Variants in EXOC6B observed in about 807,000 individuals in gnomAD.
EXOC6B encodes exocyst complex component 6B, also known as SEC15 homolog B.
Under a neutral mutation model 113.5 loss-of-function variants are expected in EXOC6B, and 54 were observed. The observed-to-expected ratio is 0.48, with a 90% CI of 0.38 to 0.60. The LOEUF is 0.60. Among genes scored for constraint, EXOC6B ranks in the 20% least tolerant of loss-of-function variants. The pLI, the probability that EXOC6B is intolerant of heterozygous loss-of-function variation, is 0.00. For missense variants in EXOC6B, 797 were observed against 977.5 expected, an observed-to-expected ratio of 0.82 and a Z score of 2.46; for synonymous variants, 357 against 339.0, an observed-to-expected ratio of 1.05 and a Z score of -0.58.
chr2:72,242,376 A>G (rs569769416), intron 20 of EXOC6B, among the ~76,000 whole-genome samples: 33 of 152,344 alleles, frequency 2.2e-4, no homozygotes, highest in African/African-American at 6.5e-4. Flanking sequence ...AGAATTGGAA[A>G]AACTCTGTTA....
At chr2:72,386,786 G>T (rs1385571009) in intron 18 of EXOC6B, among the ~76,000 whole-genome samples, 3 of 152,162 alleles carry the variant, frequency 2.0e-5, no homozygotes, top group African/African-American at 7.2e-5. Flanking sequence ...ATGTTAATTT[G>T]CTTCACTATA....
intron 16 of EXOC6B, among the ~76,000 whole-genome samples, chr2:72,487,777 C>G (rs1409735332): frequency 6.6e-6 from 1 of 152,180 alleles, no homozygotes; most frequent in Non-Finnish European, 1.5e-5. Flanking sequence ...AGGGAGAACA[C>G]AGAGGCAAAG....
intron 6 of EXOC6B, among the ~76,000 whole-genome samples, chr2:72,647,983 G>A (rs1673863386): frequency 6.6e-6 from 1 of 152,168 alleles, no homozygotes; most frequent in South Asian, 2.1e-4. Context: ...TACCATCAGA[G>A]TGAACAGGAA....
intron 8 of EXOC6B, among the ~76,000 whole-genome samples, chr2:72,552,580 C>A (rs1703301890): frequency 1.3e-5 from 2 of 151,990 alleles, no homozygotes. Context: ...ATGAAAATTT[C>A]AGGGCTGTAT....
intron 6 of EXOC6B, among the ~76,000 whole-genome samples, chr2:72,689,072 T>C (rs1465316872): frequency 1.3e-5 from 2 of 152,200 alleles, no homozygotes; most frequent in Non-Finnish European, 2.9e-5. Flanking sequence ...TTCCAAAACA[T>C]AATGTTTATT....
chr2:72,555,874 G>A (rs1703512677), intron 8 of EXOC6B, among the ~76,000 whole-genome samples: 1 of 152,104 alleles, frequency 6.6e-6, no homozygotes, highest in Non-Finnish European at 1.5e-5. Flanking sequence ...TCAAACTCCT[G>A]ACCTCAAGCA....
At chr2:72,477,129 A>G (rs1698801162) in intron 17 of EXOC6B, among the ~76,000 whole-genome samples, 1 of 152,192 alleles carries the variant, frequency 6.6e-6, no homozygotes, top group Admixed American at 6.5e-5. Flanking sequence ...GTGCCATCAA[A>G]TATCATCTTT....
chr2:72,663,580 C>CA (rs1675174111), intron 6 of EXOC6B, among the ~76,000 whole-genome samples: 1 of 151,996 alleles, frequency 6.6e-6, no homozygotes, highest in Non-Finnish European at 1.5e-5. Flanking sequence ...TTGTAGGATG[C>CA]AGTAAAACCT....
At chr2:72,468,336 T>A (rs928340440) in intron 17 of EXOC6B, among the ~76,000 whole-genome samples, 1 of 152,204 alleles carries the variant, frequency 6.6e-6, no homozygotes, top group Non-Finnish European at 1.5e-5. Flanking sequence ...TGGTGTGAGA[T>A]GAGGAACAAA....
At chr2:72,186,566 C>G (rs947472450) in intron 20 of EXOC6B, among the ~76,000 whole-genome samples, 2 of 151,154 alleles carry the variant, frequency 1.3e-5, no homozygotes, top group African/African-American at 4.9e-5. Flanking sequence ...AAGCCTTTTA[C>G]TATTTGCCTA....
intron 6 of EXOC6B, among the ~76,000 whole-genome samples, chr2:72,584,045 G>A (rs936445457): frequency 2.0e-5 from 3 of 151,806 alleles, no homozygotes; most frequent in African/African-American, 7.3e-5. Context: ...TCTAAACATG[G>A]AAACAAAAGA....
At chr2:72,265,094 C>A (rs1413433577) in intron 20 of EXOC6B, among the ~76,000 whole-genome samples, 1 of 151,812 alleles carries the variant, frequency 6.6e-6, no homozygotes, top group African/African-American at 2.4e-5. Flanking sequence ...AGACATGGAA[C>A]GTTTGGAACT....
At chr2:72,723,050 G>A (rs116438298) in intron 5 of EXOC6B, among the ~76,000 whole-genome samples, 3 of 152,164 alleles carry the variant, frequency 2.0e-5, no homozygotes, top group African/African-American at 7.2e-5. Context: ...CAAATGTCTA[G>A]TCTATTTCAA....
chr2:72,508,528 T>C (rs1700731347), intron 11 of EXOC6B, among the ~76,000 whole-genome samples: 1 of 152,152 alleles, frequency 6.6e-6, no homozygotes, highest in Admixed American at 6.5e-5. Context: ...TCCCAGCCCT[T>C]TGGGAGGCCG....
At chr2:72,400,498 C>A (rs1014050685) in intron 18 of EXOC6B, among the ~76,000 whole-genome samples, 1 of 151,812 alleles carries the variant, frequency 6.6e-6, no homozygotes, top group African/African-American at 2.4e-5. Context: ...ACAGAATAAA[C>A]AGACAAAATA....
intron 18 of EXOC6B, among the ~76,000 whole-genome samples, chr2:72,394,247 T>C (rs1434076828): frequency 5.9e-5 from 9 of 152,194 alleles, no homozygotes; most frequent in Non-Finnish European, 1.5e-5. Context: ...TTTTACAAAG[T>C]ATATCTTTTA....
At chr2:72,346,157 T>C (rs1054309088) in intron 19 of EXOC6B, among the ~76,000 whole-genome samples, 1 of 152,188 alleles carries the variant, frequency 6.6e-6, no homozygotes, top group Non-Finnish European at 1.5e-5. Context: ...AATGTATTTA[T>C]AAATTTTTTC....
rs192487576 is a variant in EXOC6B, at chr2:72,194,992, G to A, written c.2197-10805C>T. ...TGCTTTCCCTGCAGCCCAGCTCCAGGTGGATGGAAGCTTCATTAAGTTCTT... is the reference window on the plus strand; with the variant it reads ...TGCTTTCCCTGCAGCCCAGCTCCAGATGGATGGAAGCTTCATTAAGTTCTT... On this transcript the variant is annotated intron_variant, in intron 20 of 21. Transcript: ENST00000272427. Among the ~76,000 whole-genome samples the A allele has an allele frequency of 1.3e-3, 197 of 152,294 alleles. 1 individual carries two copies. Among genetic ancestry groups the A allele is most frequent in the Admixed American group, 6.8e-3 (104 of 15,302 alleles).
intron 17 of EXOC6B, among the ~76,000 whole-genome samples, chr2:72,479,400 G>A (rs560148300): frequency 1.8e-4 from 27 of 151,874 alleles, no homozygotes; most frequent in South Asian, 4.2e-4. Context: ...CTTCTCTTGC[G>A]CCTACTGTCA....
Sources: allele counts gnomAD v4.1 joint callset (sites outside exome capture counted in the v4.1 genomes callset), GRCh38; gene constraint gnomAD v4.1.1; transcripts MANE v1.5; gene names NCBI Gene and HGNC (gene_info 2026-07-23, HGNC 2026-07-21).